GFRA1: variants seen among roughly 807,000 people sequenced by gnomAD.
The protein encoded by GFRA1 is GDNF family receptor alpha-1.
A neutral mutation model predicts 51.6 loss-of-function variants in GFRA1; 16 were observed. The observed-to-expected ratio is 0.31, with a 90% CI of 0.21 to 0.47. The LOEUF is 0.47. Among genes scored for constraint, GFRA1 ranks in the 20% least tolerant of loss-of-function variants. The pLI, the probability that GFRA1 is intolerant of heterozygous loss-of-function variation, is 1.00. For missense variants in GFRA1, 530 were observed against 594.3 expected (o/e 0.89, Z 1.13); for synonymous variants, 270 against 241.3 (o/e 1.12, Z -1.10).
At chr10:116,134,232 A>C (rs1182595924) in intron 5 of GFRA1, among the ~76,000 whole-genome samples, 1 of 152,220 alleles carries the variant, frequency 6.6e-6, no homozygotes, top group African/African-American at 2.4e-5. Context: ...CTTTCTTTTT[A>C]AGGCTGCAGA....
rs555694468 is a variant in GFRA1, at chr10:116,195,672, C to T, written c.433+15959G>A. Reference sequence around the variant, plus strand: ...GCCATGGACCAGTACCAGTCCATGGCCCAGGGATCTCCAACTCCTGTTGTA... The same window carrying T: ...GCCATGGACCAGTACCAGTCCATGGTCCAGGGATCTCCAACTCCTGTTGTA... On this transcript the variant is annotated intron_variant, in intron 5 of 10. Transcript: ENST00000355422. Among the ~76,000 whole-genome samples, 497 of 152,252 alleles carry T rather than the reference C, an allele frequency of 3.3e-3. 2 individuals are homozygous for T. Among genetic ancestry groups the T allele is most frequent in the African/African-American group, 0.011 (477 of 41,548 alleles).
At chr10:116,208,543 C>A (rs914624957) in intron 5 of GFRA1, among the ~76,000 whole-genome samples, 1 of 152,102 alleles carries the variant, frequency 6.6e-6, no homozygotes, top group African/African-American at 2.4e-5. Flanking sequence ...CAGATAAGAA[C>A]AAGGGAGGAG....
chr10:116,195,311 T>A (rs1281319939), intron 5 of GFRA1, among the ~76,000 whole-genome samples: 3 of 152,220 alleles, frequency 2.0e-5, no homozygotes, highest in African/African-American at 7.2e-5. Context: ...GCTAATTCTG[T>A]GTCCTTCAAA....
At chr10:116,181,607 T>C (rs1260414727) in intron 5 of GFRA1, among the ~76,000 whole-genome samples, 3 of 150,938 alleles carry the variant, frequency 2.0e-5, no homozygotes, top group Non-Finnish European at 4.4e-5. Context: ...GAGCTAGCTA[T>C]ATACACAAAA....
At chr10:116,136,480 C>A (rs561943472) in intron 5 of GFRA1, among the ~76,000 whole-genome samples, 38 of 152,246 alleles carry the variant, frequency 2.5e-4, no homozygotes, top group African/African-American at 9.1e-4. Flanking sequence ...AATCCAAAAC[C>A]CCCCTCTTCC....
intron 5 of GFRA1, among the ~76,000 whole-genome samples, chr10:116,188,612 G>A (rs78743541): frequency 0.02 from 3,036 of 152,188 alleles, 90 homozygotes; most frequent in African/African-American, 0.067. Flanking sequence ...TATTAAAATG[G>A]TCAATGTTGG....
chr10:116,117,705 C>CA (rs1321405835), intron 6 of GFRA1, among the ~76,000 whole-genome samples: 2 of 151,550 alleles, frequency 1.3e-5, no homozygotes, highest in Non-Finnish European at 2.9e-5. Flanking sequence ...GAGAGAGGAA[C>CA]AAAGGTATGA....
intron 5 of GFRA1, among the ~76,000 whole-genome samples, chr10:116,209,281 C>T (rs1450866215): frequency 6.6e-6 from 1 of 152,182 alleles, no homozygotes; most frequent in African/African-American, 2.4e-5. Flanking sequence ...ATAATGCAAT[C>T]CAGAGGAAAT....
At chr10:116,129,989 T>C (rs72834589) in intron 5 of GFRA1, among the ~76,000 whole-genome samples, 5,507 of 151,662 alleles carry the variant, frequency 0.036, 128 homozygotes, top group South Asian at 0.067. Context: ...GAAATCAAGC[T>C]AATTAACATA....
intron 5 of GFRA1, among the ~76,000 whole-genome samples, chr10:116,177,583 G>A (rs11813020): frequency 2.6e-5 from 4 of 152,154 alleles, no homozygotes; most frequent in South Asian, 2.1e-4. Context: ...GGGAGCAGAT[G>A]AGAGTATGAA....
At chr10:116,093,566 A>G (rs2133892242) in intron 8 of GFRA1, 136 bp downstream of exon 8, 1 of 779,158 alleles carries the variant, frequency 1.3e-6, no homozygotes, top group South Asian at 1.5e-5. Context: ...ACAGACAGAG[A>G]GAGGAAGCAG....
chr10:116,195,451 A>G (rs527479973), intron 5 of GFRA1, among the ~76,000 whole-genome samples: 29 of 152,304 alleles, frequency 1.9e-4, no homozygotes, highest in African/African-American at 7.0e-4. Flanking sequence ...TAAGGATGAA[A>G]CTATTCCACC....
chr10:116,139,833 G>A (rs1250237779), intron 5 of GFRA1, among the ~76,000 whole-genome samples: 1 of 152,234 alleles, frequency 6.6e-6, no homozygotes, highest in East Asian at 1.9e-4. Flanking sequence ...CCCTGCCCTT[G>A]CACTAAATGG....
intron 4 of GFRA1, among the ~76,000 whole-genome samples, chr10:116,236,323 A>G (rs1234882506): frequency 6.6e-6 from 1 of 152,016 alleles, no homozygotes; most frequent in Non-Finnish European, 1.5e-5. Flanking sequence ...TGGAAACAAC[A>G]ACCCCCTTTC....
intron 4 of GFRA1, among the ~76,000 whole-genome samples, chr10:116,267,516 G>A (rs1408478141): frequency 6.6e-6 from 1 of 152,058 alleles, no homozygotes; most frequent in Non-Finnish European, 1.5e-5. Flanking sequence ...TAGAAATTCT[G>A]AAATTAAAAC....
Position 116,064,457 on chromosome 10 carries a change from G to T in GFRA1, c.1339C>A (p.Leu447Met). ...AGAGCGGTTACCACCAGGACCAGCA[G>T]TGGGCTCAGACCACAGCTTGGAGGA... is the stretch of plus-strand genomic sequence containing the variant. Reference protein sequence around the residue: ...AAPPSCGLSPLLVLVVTALST... With the variant: ...AAPPSCGLSPMLVLVVTALST... The change falls in exon 11 of 11, where the codon CTG becomes ATG. Residue 447 changes from leucine (L) to methionine (M), a missense_variant. By Grantham distance (15) the Leu-to-Met change is conservative. Coordinates refer to ENST00000355422, the MANE Select transcript of GFRA1 (RefSeq NM_005264.8). 1 of 1,613,266 alleles carries T rather than the reference G, an allele frequency of 6.2e-7. No homozygotes were observed. The highest frequency in any genetic ancestry group is 8.5e-7 in the Non-Finnish European group (1 of 1,179,674).
At position 116,267,940 on chromosome 10, in the gene GFRA1, A is replaced by T. The variant is rs1477143033; in HGVS notation, c.418+1563T>A. Among the ~76,000 whole-genome samples the T allele has an allele frequency of 3.4e-5, 5 of 146,492 alleles. No individual in the cohort carries two copies. The South Asian group carries it at 8.7e-4, about 25-fold the overall frequency. On this transcript the variant is annotated intron_variant, in intron 4 of 10. Coordinates refer to ENST00000355422, the MANE Select transcript of GFRA1 (RefSeq NM_005264.8). ...TTATGCCAAAACAGACTGACAGACT[A>T]ACACACACACACACACACACACACA...
At chr10:116,179,728 C>A (rs1261325371) in intron 5 of GFRA1, among the ~76,000 whole-genome samples, 2 of 152,168 alleles carry the variant, frequency 1.3e-5, no homozygotes, top group African/African-American at 4.8e-5. Flanking sequence ...GGACACTCCA[C>A]ACAAAGACAG....
At chr10:116,073,164 C>T (rs902806462) in intron 9 of GFRA1, among the ~76,000 whole-genome samples, 1 of 152,184 alleles carries the variant, frequency 6.6e-6, no homozygotes, top group African/African-American at 2.4e-5. Context: ...TCGGGCTTCC[C>T]TGTCAGTCTC....
Sources: allele counts gnomAD v4.1 joint callset (sites outside exome capture counted in the v4.1 genomes callset), GRCh38; gene constraint gnomAD v4.1.1; transcripts MANE v1.5; gene names NCBI Gene and HGNC (gene_info 2026-07-23, HGNC 2026-07-21).